The following GUCY1A2 variants were observed in gnomAD, a reference collection of about 807,000 sequenced individuals.
The protein encoded by GUCY1A2 is guanylate cyclase soluble subunit alpha-2.
A neutral mutation model predicts 63.5 loss-of-function variants in GUCY1A2; 27 were observed. The ratio of observed to expected loss-of-function variants is 0.43; its 90% CI spans 0.31 to 0.59. The LOEUF (loss-of-function observed/expected upper bound fraction) is 0.59, where lower values mean the gene tolerates loss of function less well. Among genes scored for constraint, GUCY1A2 ranks in the 20% least tolerant of loss-of-function variants. The pLI is 0.11. For missense variants in GUCY1A2, 768 were observed against 913.3 expected, an observed-to-expected ratio of 0.84 and a Z score of 2.05; for synonymous variants, 364 against 343.5, an observed-to-expected ratio of 1.06 and a Z score of -0.66.
chr11:106,869,668 C>G (rs1859646280), intron 4 of GUCY1A2, among the ~76,000 whole-genome samples: 1 of 152,098 alleles, frequency 6.6e-6, no homozygotes, highest in Admixed American at 6.6e-5. Flanking sequence ...GGACTGTAAA[C>G]TAGTTCAACC....
chr11:106,867,826 G>C (rs1008527678), intron 4 of GUCY1A2, among the ~76,000 whole-genome samples: 12 of 152,010 alleles, frequency 7.9e-5, no homozygotes, highest in African/African-American at 2.9e-4. Flanking sequence ...GAATGGAACA[G>C]AATTAAGAGG....
chr11:106,897,415 G>T (rs1860065575), intron 4 of GUCY1A2, among the ~76,000 whole-genome samples: 1 of 151,978 alleles, frequency 6.6e-6, no homozygotes, highest in African/African-American at 2.4e-5. Flanking sequence ...GAAAAATAAA[G>T]TTGGAGGACT....
rs1862469849 is a variant in GUCY1A2, at chr11:106,683,676, G to C, written c.*3873C>G. On this transcript the variant is annotated 3_prime_UTR_variant, in exon 8 of 8. Transcript: ENST00000526355. ...GGTTTCTAGTGACAGAATGGAGTAA[G>C]AAAGGGTCCAGAATGGACTGAGTCA... 1 of 226,374 alleles carries C rather than the reference G, an allele frequency of 4.4e-6. No individual in the cohort carries two copies. Among genetic ancestry groups the C allele is most frequent in the African/African-American group, 2.2e-5 (1 of 44,954 alleles). The allele number at this position is 226,374 out of a possible 1,614,324, so 14.0% of individuals were successfully genotyped here.
At chr11:107,013,109 AT>A (rs1284501011) in intron 1 of GUCY1A2, among the ~76,000 whole-genome samples, 2 of 152,058 alleles carry the variant, frequency 1.3e-5, no homozygotes, top group Non-Finnish European at 2.9e-5. Context: ...TTCCACCTTC[AT>A]TTTTTCCTCT....
chr11:106,851,583 C>A (rs1439120106), intron 4 of GUCY1A2, among the ~76,000 whole-genome samples: 2 of 151,882 alleles, frequency 1.3e-5, no homozygotes, highest in African/African-American at 4.8e-5. Context: ...TCCAGTTTTC[C>A]CTTCACTATT....
At chr11:106,850,944 T>A (rs1021885601) in intron 4 of GUCY1A2, among the ~76,000 whole-genome samples, 2 of 151,990 alleles carry the variant, frequency 1.3e-5, no homozygotes, top group African/African-American at 4.8e-5. Context: ...GCTGTACTAA[T>A]TTACATCCTA....
At chr11:106,796,401 T>C (rs1864761093) in intron 5 of GUCY1A2, among the ~76,000 whole-genome samples, 1 of 152,220 alleles carries the variant, frequency 6.6e-6, no homozygotes, top group African/African-American at 2.4e-5. Flanking sequence ...CTTCCTAGCA[T>C]CGATGGTCTT....
intron 4 of GUCY1A2, chr11:106,827,791 G>C (rs1858992035): frequency 6.4e-7 from 1 of 1,564,060 alleles, no homozygotes; most frequent in African/African-American, 1.4e-5. Context: ...TCTTCTGATG[G>C]AAAGTGAGTA....
At chr11:106,982,013 G>A (rs1861343062) in intron 2 of GUCY1A2, among the ~76,000 whole-genome samples, 2 of 152,082 alleles carry the variant, frequency 1.3e-5, no homozygotes, top group South Asian at 4.1e-4. Context: ...ACTACTTTAT[G>A]TGATTATATG....
intron 1 of GUCY1A2, among the ~76,000 whole-genome samples, chr11:107,000,444 T>C (rs1182442578): frequency 6.6e-6 from 1 of 152,210 alleles, no homozygotes; most frequent in Non-Finnish European, 1.5e-5. Flanking sequence ...TCATTATCAC[T>C]CCCTACAACA....
chr11:106,792,045 T>A (rs58386631), intron 5 of GUCY1A2, among the ~76,000 whole-genome samples: 6,497 of 152,018 alleles, frequency 0.043, 139 homozygotes, highest in East Asian at 0.093. Flanking sequence ...TGATGCAAAA[T>A]TCTTCAACAA....
chr11:106,831,325 C>T (rs1859047877), intron 4 of GUCY1A2, among the ~76,000 whole-genome samples: 1 of 152,100 alleles, frequency 6.6e-6, no homozygotes, highest in African/African-American at 2.4e-5. Context: ...AACTCCTTGA[C>T]AAGATGATAG....
chr11:106,940,243 T>C, intron 3 of GUCY1A2, 65 bp from the exon 4 acceptor site: 1 of 759,736 alleles, frequency 1.3e-6, no homozygotes, highest in South Asian at 1.8e-5. Flanking sequence ...TATAGCTTTT[T>C]AAGTGCTTAT....
chr11:106,740,651 T>TATGTATGTATGTATGC, intron 6 of GUCY1A2, among the ~76,000 whole-genome samples: 1 of 82,620 alleles, frequency 1.2e-5, no homozygotes, highest in Non-Finnish European at 3.2e-5. Context: ...CATATCACTG[T>TATGTATGTATGTATGC]ATGTATGTAT....
intron 4 of GUCY1A2, among the ~76,000 whole-genome samples, chr11:106,880,396 T>A (rs1859807735): frequency 6.6e-6 from 1 of 151,958 alleles, no homozygotes; most frequent in South Asian, 2.1e-4. Flanking sequence ...TTTTACAAAC[T>A]GTAGTGGTTC....
chr11:107,007,198 T>C lies in GUCY1A2; in HGVS notation c.303+10555A>G, dbSNP rs529161864. On this transcript the variant is annotated intron_variant, in intron 1 of 7. Transcript: ENST00000526355. ...ATTAGTCCTAACTTTGAAAGCATGATGTAAATACTAATCAAGCAATTAATT... is the reference window on the plus strand; with the variant it reads ...ATTAGTCCTAACTTTGAAAGCATGACGTAAATACTAATCAAGCAATTAATT... 2.2e-4 allele frequency among the ~76,000 whole-genome samples: 33 copies of C among 152,338 alleles called. 1 individual carries two copies. Among genetic ancestry groups the C allele is most frequent in the African/African-American group, 7.9e-4 (33 of 41,580 alleles).
intron 6 of GUCY1A2, among the ~76,000 whole-genome samples, chr11:106,730,751 T>C (rs1159265089): frequency 6.6e-6 from 1 of 152,110 alleles, no homozygotes; most frequent in African/African-American, 2.4e-5. Context: ...TAAGCATTCG[T>C]TTTTCTCCAC....
At chr11:106,856,234 G>A (rs1859432268) in intron 4 of GUCY1A2, among the ~76,000 whole-genome samples, 1 of 151,950 alleles carries the variant, frequency 6.6e-6, no homozygotes, top group African/African-American at 2.4e-5. Flanking sequence ...AGGTTGCAGT[G>A]AGCTGAGATC....
intron 4 of GUCY1A2, among the ~76,000 whole-genome samples, chr11:106,856,757 G>A (rs1859442126): frequency 6.6e-6 from 1 of 152,138 alleles, no homozygotes; most frequent in Non-Finnish European, 1.5e-5. Flanking sequence ...AGTACCCGTG[G>A]TGATGTGTAC....
Sources: allele counts gnomAD v4.1 joint callset (sites outside exome capture counted in the v4.1 genomes callset), GRCh38; gene constraint gnomAD v4.1.1; transcripts MANE v1.5; gene names NCBI Gene and HGNC (gene_info 2026-07-23, HGNC 2026-07-21).